The following TSPAN12 variants were observed in gnomAD, a reference collection of about 807,000 sequenced individuals.
TSPAN12 encodes tetraspanin-12.
TSPAN12 carries 19 observed loss-of-function variants against 39.2 expected under a neutral mutation model. The observed-to-expected ratio is 0.49, with a 90% confidence interval of 0.34 to 0.71. The LOEUF (loss-of-function observed/expected upper bound fraction) is 0.71, where lower values mean the gene tolerates loss of function less well. Among genes scored for constraint, TSPAN12 ranks in the 30% least tolerant of loss-of-function variants. TSPAN12 has a pLI of 0.01. For missense variants in TSPAN12, 314 were observed against 359.9 expected (o/e 0.87, Z 1.03); for synonymous variants, 119 against 124.8 (o/e 0.95, Z 0.31).
intron 2 of TSPAN12, among the ~76,000 whole-genome samples, chr7:120,841,329 T>A (rs1210078028): frequency 1.3e-5 from 2 of 152,062 alleles, no homozygotes; most frequent in Non-Finnish European, 2.9e-5. Context: ...ACATGTTAAA[T>A]GCCACCACGG....
intron 7 of TSPAN12, among the ~76,000 whole-genome samples, chr7:120,790,705 C>T (rs370468629): frequency 6.6e-6 from 1 of 152,176 alleles, no homozygotes; most frequent in Admixed American, 6.5e-5. Flanking sequence ...GCTCCTGAGA[C>T]ATTAGATCAT....
At chr7:120,834,000 G>C (rs6466760) in intron 4 of TSPAN12, among the ~76,000 whole-genome samples, 50,129 of 151,848 alleles carry the variant, frequency 0.33, 9,028 homozygotes, top group African/African-American at 0.46. Flanking sequence ...GCATATTCCA[G>C]TTTCTTTTCT....
intron 2 of TSPAN12, among the ~76,000 whole-genome samples, chr7:120,849,428 T>G (rs558786056): frequency 6.6e-6 from 1 of 152,238 alleles, no homozygotes; most frequent in Admixed American, 6.5e-5. Flanking sequence ...ATAATTTCCA[T>G]AAAATAGTAA....
chr7:120,810,518 T>C lies in TSPAN12; in HGVS notation c.413A>G (p.Tyr138Cys), dbSNP rs587777283. The C allele has an allele frequency of 1.9e-6, 3 of 1,613,788 alleles. No individual in the cohort carries two copies. The highest frequency in any genetic ancestry group is 1.7e-5 in the Admixed American group (1 of 59,972). Residue 138 changes from tyrosine (Y) to cysteine (C), a missense_variant, in exon 6 of 8, where the codon TAT (tyrosine) becomes TGT (cysteine). Physicochemically the swap from Tyr to Cys is radical, Grantham distance 194. Transcript: ENST00000222747. ...MVTLKARMTNYGLPRYRWLTH... is the reference protein window; with the variant it reads ...MVTLKARMTNCGLPRYRWLTH... Reference sequence around the variant, plus strand: ...AAGCCACCGATATCTAGGTAATCCATAATTTGTCATCCTGGCTTTCAAAGT... The same window carrying C: ...AAGCCACCGATATCTAGGTAATCCACAATTTGTCATCCTGGCTTTCAAAGT...
rs140557113 is a variant in TSPAN12 at position 120,838,697 on chromosome 7, A to G, written c.285+80T>C. On this transcript the variant is annotated intron_variant, in intron 4 of 7. Coordinates refer to ENST00000222747, the MANE Select transcript of TSPAN12 (RefSeq NM_012338.4). ...GTTGTTACTGCTATCACTGCTCCCT[A>G]ATCTTGTGAACTGATTAAAAAATAA... is the stretch of plus-strand genomic sequence containing the variant. 1.8e-5 allele frequency: 27 copies of G among 1,467,642 alleles called. No homozygotes were observed. In the African/African-American group the frequency reaches 3.4e-4, roughly 19 times the overall value. The allele number at this position is 1,467,642 out of a possible 1,614,324, so 90.9% of individuals were successfully genotyped here. A position where few individuals can be genotyped will look rare whatever the true frequency, so the allele number is the denominator to read the frequency against.
intron 7 of TSPAN12, among the ~76,000 whole-genome samples, chr7:120,792,388 A>C (rs568877919): frequency 6.6e-6 from 1 of 152,322 alleles, no homozygotes; most frequent in Non-Finnish European, 1.5e-5. Context: ...GTTAGAGGTA[A>C]CTATTGATCT....
chr7:120,851,694 C>A (rs528597360), intron 2 of TSPAN12, among the ~76,000 whole-genome samples: 1 of 152,054 alleles, frequency 6.6e-6, no homozygotes, highest in African/African-American at 2.4e-5. Context: ...GTAATAAAAG[C>A]GTATAAATTT....
chr7:120,856,744 A>C lies in TSPAN12; in HGVS notation c.20T>G (p.Val7Gly), dbSNP rs1160151945. The C allele has an allele frequency of 6.2e-7, 1 of 1,614,090 alleles. No individual in the cohort carries two copies. The highest frequency in any genetic ancestry group is 8.5e-7 in the Non-Finnish European group (1 of 1,180,046). MAREDS[V>G]KCLRCLLYAL... ...GTAGAGCAGGCAGCGCAGACACTTCACGGAATCTTCTCTGGCCATTGTGAG... is the reference window on the plus strand; with the variant it reads ...GTAGAGCAGGCAGCGCAGACACTTCCCGGAATCTTCTCTGGCCATTGTGAG... Residue 7 changes from valine to glycine, a missense_variant, in exon 2 of 8, where the codon GTG becomes GGG. By Grantham distance (109) the Val-to-Gly change is moderately radical. Transcript: ENST00000222747.
chr7:120,807,629 T>C (rs1360872378), intron 6 of TSPAN12, among the ~76,000 whole-genome samples: 3 of 152,058 alleles, frequency 2.0e-5, no homozygotes, highest in African/African-American at 7.2e-5. Flanking sequence ...AGGTTTGACA[T>C]TGCATCATAA....
At chr7:120,854,304 A>G (rs1039448620) in intron 2 of TSPAN12, among the ~76,000 whole-genome samples, 1 of 152,228 alleles carries the variant, frequency 6.6e-6, no homozygotes, top group Non-Finnish European at 1.5e-5. Context: ...AGTATTAATC[A>G]TAACAGTAAC....
At chr7:120,816,678 T>C (rs1307785656) in intron 4 of TSPAN12, among the ~76,000 whole-genome samples, 2 of 152,112 alleles carry the variant, frequency 1.3e-5, no homozygotes, top group African/African-American at 4.8e-5. Context: ...AATAATACAC[T>C]AGTGAATTTT....
chr7:120,804,730 T>C (rs1296520663), intron 7 of TSPAN12, among the ~76,000 whole-genome samples: 2 of 152,058 alleles, frequency 1.3e-5, no homozygotes, highest in African/African-American at 2.4e-5. Flanking sequence ...TATTGGAACA[T>C]AGGATTGTTG....
rs762806220 is a variant in TSPAN12, at chr7:120,788,617, G to A, written c.893C>T (p.Thr298Ile). 10 of 1,614,140 alleles carry A rather than the reference G, an allele frequency of 6.2e-6. No individual in the cohort carries two copies. The highest frequency in any genetic ancestry group is 8.5e-6 in the Non-Finnish European group (10 of 1,179,992). Residue 298 changes from threonine to isoleucine, a missense_variant, in exon 8 of 8, where the codon ACA becomes ATA. Thr to Ile is a moderately conservative substitution (Grantham distance 89). Coordinates refer to ENST00000222747, the MANE Select transcript of TSPAN12 (RefSeq NM_012338.4). Reference sequence around the variant, plus strand: ...TTATAACTCCTCCATCTCAAAGTGTGTATTAAAGCTGTTTGCCATGGATGT... The same window carrying A: ...TTATAACTCCTCCATCTCAAAGTGTATATTAAAGCTGTTTGCCATGGATGT... ...EHTSMANSFN[T>I]HFEMEEL
At chr7:120,831,788 T>C (rs1362892883) in intron 4 of TSPAN12, among the ~76,000 whole-genome samples, 4 of 152,022 alleles carry the variant, frequency 2.6e-5, no homozygotes, top group African/African-American at 9.7e-5. Context: ...AAGTTGTATA[T>C]TTCAAAATTG....
At chr7:120,825,900 C>G (rs1794276768) in intron 4 of TSPAN12, among the ~76,000 whole-genome samples, 1 of 152,106 alleles carries the variant, frequency 6.6e-6, no homozygotes, top group South Asian at 2.1e-4. Context: ...CAATATCTCT[C>G]TACAATTTTT....
At chr7:120,856,949 C>T in intron 1 of TSPAN12, 116 bp from the exon 2 acceptor site, 2 of 659,672 alleles carry the variant, frequency 3.0e-6, no homozygotes, top group Non-Finnish European at 2.7e-6. Flanking sequence ...AGGCCCAGTG[C>T]ATTCGAGACA....
intron 4 of TSPAN12, among the ~76,000 whole-genome samples, chr7:120,816,015 C>T (rs898963971): frequency 1.3e-5 from 2 of 151,974 alleles, no homozygotes; most frequent in Non-Finnish European, 2.9e-5. Flanking sequence ...ATTTATTAGC[C>T]GTCTCCTGAG....
At chr7:120,801,286 A>G (rs1270239957) in intron 7 of TSPAN12, among the ~76,000 whole-genome samples, 3 of 152,032 alleles carry the variant, frequency 2.0e-5, no homozygotes, top group Non-Finnish European at 2.9e-5. Flanking sequence ...ATCCCTTCAA[A>G]ATCACACCCC....
intron 6 of TSPAN12, 88 bp downstream of exon 6, chr7:120,810,375 G>T (rs975826036): frequency 3.4e-6 from 3 of 870,296 alleles, no homozygotes; most frequent in African/African-American, 1.7e-5. Context: ...CAGCACAGAG[G>T]AAATTACCAA....
Sources: allele counts gnomAD v4.1 joint callset (sites outside exome capture counted in the v4.1 genomes callset), GRCh38; gene constraint gnomAD v4.1.1; transcripts MANE v1.5; gene names NCBI Gene and HGNC (gene_info 2026-07-23, HGNC 2026-07-21).